The following FBN2 variants were observed in gnomAD, a reference collection of about 807,000 sequenced individuals.
The protein encoded by FBN2 is fibrillin-2.
Under a neutral mutation model 355.6 loss-of-function variants are expected in FBN2, and 105 were observed. The observed-to-expected ratio is 0.30, with a 90% CI of 0.25 to 0.35. The LOEUF (loss-of-function observed/expected upper bound fraction) is 0.35. Among genes scored for constraint, FBN2 ranks in the 10% least tolerant of loss-of-function variants. FBN2 has a pLI of 1.00. For missense variants in FBN2, 3,280 were observed against 3,758.7 expected (o/e 0.87, Z 3.33); for synonymous variants, 1,350 against 1,301.2 (o/e 1.04, Z -0.81).
rs1018411631 is a variant in FBN2, at chr5:128,311,359, C to T, written c.5015G>A (p.Ser1672Asn). 3.7e-6 allele frequency: 6 copies of T among 1,613,946 alleles called. No individual in the cohort carries two copies. The highest frequency in any genetic ancestry group is 5.1e-6 in the Non-Finnish European group (6 of 1,179,940). ...QGGNCINTFG[S>N]FQCECPQGYY... ...GCCTTGTGGGCACTCACACTGGAAG[C>T]TCCCAAAAGTGTTGATGCAGTTTCC... The change falls in exon 39 of 65, where the codon AGC (serine) becomes AAC (asparagine). Residue 1672 changes from serine (S) to asparagine (N), a missense_variant. This residue lies in a region of FBN2 where 2,284 missense variants were observed against 2,749.5 expected (regional missense o/e 0.83). Transcript: ENST00000262464.
At chr5:128,469,945 A>G (rs1754812125) in intron 5 of FBN2, among the ~76,000 whole-genome samples, 1 of 152,212 alleles carries the variant, frequency 6.6e-6, no homozygotes, top group Non-Finnish European at 1.5e-5. Context: ...AATTTAGAAT[A>G]TATGGATTGA....
In FBN2 at chr5:128,537,523, G is replaced by C. The variant is rs746484599; in HGVS notation, c.81C>G (p.Ala27=). ...TGGGCGGAGGAGGCTGAGGCTGGCC[G>C]GCCGTGCCCTGCGCCCAGAGCACCA... is the stretch of plus-strand genomic sequence containing the variant. ...GCVVLWAQGT[A]GQPQPPPPKP... The change falls in exon 1 of 65, where the codon GCC becomes GCG. Residue 27 remains alanine, a synonymous_variant. Coordinates refer to ENST00000262464, the MANE Select transcript of FBN2 (RefSeq NM_001999.4). 4 of 1,578,862 alleles carry C rather than the reference G, an allele frequency of 2.5e-6. No individual in the cohort carries two copies. Among genetic ancestry groups the C allele is most frequent in the Non-Finnish European group, 2.6e-6 (3 of 1,165,408 alleles).
chr5:128,299,544 G>A (rs531948466), intron 48 of FBN2, among the ~76,000 whole-genome samples: 5 of 151,992 alleles, frequency 3.3e-5, no homozygotes, highest in Admixed American at 1.3e-4. Context: ...TTTTAAGCCC[G>A]TCGGAAAACC....
chr5:128,283,030 A>T (rs1245253705), intron 55 of FBN2, among the ~76,000 whole-genome samples: 4 of 152,154 alleles, frequency 2.6e-5, no homozygotes, highest in African/African-American at 4.8e-5. Flanking sequence ...CACATCAGAC[A>T]TCTCTCCCCT....
chr5:128,410,006 T>C (rs948990997), intron 7 of FBN2, among the ~76,000 whole-genome samples: 4 of 152,220 alleles, frequency 2.6e-5, no homozygotes, highest in Non-Finnish European at 5.9e-5. Flanking sequence ...GAAATAACTA[T>C]ACGCTGTGTG....
Position 128,537,834 on chromosome 5 carries a change from G to A in FBN2, c.-231C>T. On this transcript the variant is annotated 5_prime_UTR_variant, in exon 1 of 65. Transcript: ENST00000262464. Reference sequence around the variant, plus strand: ...GGTCTAGCGCAGTGAGCGGCGAGGCGCGGCGGAGGTGCAGCCGGCAGCCCC... The same window carrying A: ...GGTCTAGCGCAGTGAGCGGCGAGGCACGGCGGAGGTGCAGCCGGCAGCCCC... The A allele has an allele frequency of 1.7e-6, 1 of 597,732 alleles. No individual in the cohort carries two copies. 37.0% of individuals were successfully genotyped at this position (597,732 alleles called of 1,614,324 possible). A position where few individuals can be genotyped will look rare whatever the true frequency, so the allele number is the denominator to read the frequency against.
At chr5:128,270,973 T>C (rs1765253878) in intron 62 of FBN2, among the ~76,000 whole-genome samples, 1 of 152,248 alleles carries the variant, frequency 6.6e-6, no homozygotes, top group African/African-American at 2.4e-5. Context: ...CTTATTGGTT[T>C]CTGCATTTCT....
chr5:128,330,117 G>GT (rs1344390599), intron 33 of FBN2, among the ~76,000 whole-genome samples: 8 of 152,114 alleles, frequency 5.3e-5, no homozygotes. Flanking sequence ...AAGCTGAACA[G>GT]TTTTCCCATG....
chr5:128,335,356 T>G (rs1581224180), intron 29 of FBN2, 61 bp from the exon 30 acceptor site: 1 of 1,613,330 alleles, frequency 6.2e-7, no homozygotes, highest in East Asian at 2.2e-5. Flanking sequence ...TCTCAAATGT[T>G]TTTGTTTTCT....
At chr5:128,259,890 A>G in intron 64 of FBN2, 61 bp from the exon 65 acceptor site, 1 of 1,576,280 alleles carries the variant, frequency 6.3e-7, no homozygotes, top group South Asian at 1.1e-5. Flanking sequence ...GAGGACTAGA[A>G]AGAGATCAGC....
intron 5 of FBN2, among the ~76,000 whole-genome samples, chr5:128,468,100 A>G (rs1412161263): frequency 6.6e-6 from 1 of 152,186 alleles, no homozygotes; most frequent in Non-Finnish European, 1.5e-5. Flanking sequence ...ACTTGTGTCC[A>G]TTCCCTGTCC....
At chr5:128,497,029 T>G (rs1437462415) in intron 5 of FBN2, among the ~76,000 whole-genome samples, 1 of 152,082 alleles carries the variant, frequency 6.6e-6, no homozygotes, top group Non-Finnish European at 1.5e-5. Flanking sequence ...AAAACATTGT[T>G]GAAATAAATG....
intron 62 of FBN2, among the ~76,000 whole-genome samples, chr5:128,268,994 A>G (rs978216099): frequency 2.0e-5 from 3 of 152,166 alleles, no homozygotes; most frequent in African/African-American, 7.2e-5. Context: ...TATCACTCCT[A>G]TTCAACATAG....
intron 37 of FBN2, 101 bp downstream of exon 37, chr5:128,312,533 T>G: frequency 7.6e-7 from 1 of 1,312,828 alleles, no homozygotes; most frequent in East Asian, 2.3e-5. Flanking sequence ...TTTTTTGTTT[T>G]GTCCTCACTA....
intron 48 of FBN2, among the ~76,000 whole-genome samples, chr5:128,295,627 GCTCT>G (rs1561754083): frequency 8.5e-6 from 1 of 117,968 alleles, no homozygotes; most frequent in African/African-American, 3.7e-5. Flanking sequence ...TCATGATTTG[GCTCT>G]CTGTTTGTCT....
At chr5:128,452,195 A>G (rs192631115) in intron 6 of FBN2, among the ~76,000 whole-genome samples, 353 of 152,298 alleles carry the variant, frequency 2.3e-3, no homozygotes, top group Non-Finnish European at 4.1e-3. Flanking sequence ...GCAAAGTCCT[A>G]TCACAAGCAA....
intron 7 of FBN2, among the ~76,000 whole-genome samples, chr5:128,438,950 T>A (rs1301263719): frequency 6.6e-6 from 1 of 152,150 alleles, no homozygotes; most frequent in Non-Finnish European, 1.5e-5. Flanking sequence ...TCCATGGACA[T>A]TCTATGCATT....
chr5:128,487,129 A>G (rs1052549726), intron 5 of FBN2, among the ~76,000 whole-genome samples: 13 of 152,208 alleles, frequency 8.5e-5, no homozygotes, highest in Non-Finnish European at 1.5e-4. Flanking sequence ...ATGAAAACAC[A>G]GAAGTGTCAC....
chr5:128,296,868 G>T (rs888967255), intron 48 of FBN2, among the ~76,000 whole-genome samples: 1 of 151,276 alleles, frequency 6.6e-6, no homozygotes, highest in African/African-American at 2.4e-5. Context: ...GTTATTTCTT[G>T]CCTTCTGCTA....
Sources: gnomAD v4.1 joint callset for allele counts (sites outside exome capture counted in the v4.1 genomes callset) on GRCh38, gnomAD v4.1.1 for gene constraint, gnomAD v4.1.1 regional missense constraint, MANE v1.5 for transcripts, NCBI Gene and HGNC (gene_info 2026-07-23, HGNC 2026-07-21) for gene names.